The following TCF4 variants were observed in gnomAD, a reference collection of about 807,000 sequenced individuals.
TCF4 encodes the protein transcription factor 4.
A neutral mutation model predicts 82.1 loss-of-function variants in TCF4; 3 were observed. The observed-to-expected ratio is 0.04, with a 90% CI of 0.02 to 0.09. The LOEUF is 0.09. Among genes scored for constraint, TCF4 ranks in the 10% least tolerant of loss-of-function variants. The pLI is 1.00. For synonymous variants in TCF4, 276 were observed against 309.6 expected (o/e 0.89, Z 1.14); for missense variants, 518 against 852.7 (o/e 0.61, Z 4.89).
chr18:55,296,398 A>G (rs1464885277), intron 8 of TCF4, among the ~76,000 whole-genome samples: 2 of 152,186 alleles, frequency 1.3e-5, no homozygotes, highest in Non-Finnish European at 2.9e-5. Context: ...CTTGAGTGCA[A>G]TGTGGGAAAG....
At chr18:55,518,901 A>T (rs2096908674) in intron 3 of TCF4, 2 of 152,164 alleles carry the variant, frequency 1.3e-5, no homozygotes, top group Non-Finnish European at 2.9e-5. Flanking sequence ...CTTGAAAAGT[A>T]AGATTTAGTT....
intron 17 of TCF4, 130 bp downstream of exon 17, chr18:55,232,379 G>C: frequency 1.1e-6 from 1 of 948,710 alleles, no homozygotes; most frequent in East Asian, 2.6e-5. Flanking sequence ...TTCTAGAGTA[G>C]GCCTTTAATT....
intron 8 of TCF4, among the ~76,000 whole-genome samples, chr18:55,294,760 T>C (rs1053420594): frequency 6.6e-6 from 1 of 152,202 alleles, no homozygotes; most frequent in African/African-American, 2.4e-5. Flanking sequence ...TACACCTCAG[T>C]TTCTGCATCC....
In TCF4 at chr18:55,269,957, G is replaced by A; in HGVS notation, c.796C>T (p.Pro266Ser). The A allele has an allele frequency of 6.2e-7, 1 of 1,613,182 alleles. No homozygotes were observed. Among genetic ancestry groups the A allele is most frequent in the Non-Finnish European group, 8.5e-7 (1 of 1,179,362 alleles). ...SLHPHERLSY[P>S]SHSSADINSS... ...TTGATGTCTGCTGAGGAGTGTGATG[G>A]ATAGCTCTATAGCAAGAAGCAGAAA... Residue 266 changes from proline (P) to serine (S), a missense_variant, in exon 11 of 20, where the codon CCA (proline) becomes TCA (serine). By Grantham distance (74) the Pro-to-Ser change is moderately conservative (BLOSUM62 -1). Around this residue, in one of 7 missense-constraint regions of TCF4, gnomAD observed 211 missense variants for 327.4 expected, o/e 0.64. Transcript: ENST00000354452.
At chr18:55,528,125 TAGA>T (rs2097013205) in intron 3 of TCF4, among the ~76,000 whole-genome samples, 1 of 152,222 alleles carries the variant, frequency 6.6e-6, no homozygotes, top group Admixed American at 6.5e-5. Flanking sequence ...AAATCTGTCA[TAGA>T]AGACTGCTAT....
intron 6 of TCF4, among the ~76,000 whole-genome samples, chr18:55,376,322 G>A (rs114022164): frequency 0.012 from 1,770 of 151,970 alleles, 38 homozygotes; most frequent in African/African-American, 0.04. Flanking sequence ...CACCGTGCCC[G>A]GACAATAATA....
At chr18:55,434,534 C>T (rs2095282328) in intron 5 of TCF4, among the ~76,000 whole-genome samples, 1 of 151,126 alleles carries the variant, frequency 6.6e-6, no homozygotes, top group Non-Finnish European at 1.5e-5. Context: ...ATTCTCCTGC[C>T]TCAGCCTCCC....
chr18:55,364,198 A>T (rs567871616), intron 6 of TCF4, among the ~76,000 whole-genome samples: 2 of 152,308 alleles, frequency 1.3e-5, no homozygotes, highest in Non-Finnish European at 2.9e-5. Context: ...CAAGTTAAAA[A>T]TTTTAACTCT....
Position 55,326,394 on chromosome 18 carries a change from G to C in TCF4, c.549+23965C>G, listed in dbSNP as rs77563935. 1.5e-4 allele frequency among the ~76,000 whole-genome samples: 13 copies of C among 88,748 alleles called. No homozygotes were observed. In the East Asian group the frequency reaches 3.1e-3, roughly 21 times the overall value. 58.2% of individuals were successfully genotyped at this position (88,748 alleles called of 152,430 possible). Reference sequence around the variant, plus strand: ...CCTCTATGCAAGAGTGCCTTAAAGAGCAGCAGCAAAAAAAAAAAAAAAAAA... The same window carrying C: ...CCTCTATGCAAGAGTGCCTTAAAGACCAGCAGCAAAAAAAAAAAAAAAAAA... On this transcript the variant is annotated intron_variant, in intron 8 of 19. Coordinates refer to ENST00000354452, the MANE Select transcript of TCF4 (RefSeq NM_001083962.2).
At chr18:55,335,502 C>T (rs2078439251) in intron 8 of TCF4, among the ~76,000 whole-genome samples, 1 of 152,192 alleles carries the variant, frequency 6.6e-6, no homozygotes, top group Non-Finnish European at 1.5e-5. Flanking sequence ...TGCCTTTTTA[C>T]TAGGCATATA....
chr18:55,351,671 A>T, intron 6 of TCF4: 1 of 232,860 alleles, frequency 4.3e-6, no homozygotes, highest in Non-Finnish European at 7.1e-6. Context: ...TTAAACATTT[A>T]CCTGAACACT....
At chr18:55,420,924 A>G (rs182628382) in intron 5 of TCF4, among the ~76,000 whole-genome samples, 1 of 151,738 alleles carries the variant, frequency 6.6e-6, no homozygotes, top group East Asian at 1.9e-4. Flanking sequence ...AAGAAACATT[A>G]TCTTGAGCAG....
chr18:55,305,090 A>C (rs1293963095), intron 8 of TCF4, among the ~76,000 whole-genome samples: 1 of 152,146 alleles, frequency 6.6e-6, no homozygotes, highest in African/African-American at 2.4e-5. Context: ...TATCTGCTAA[A>C]GCTACTCTTA....
intron 8 of TCF4, among the ~76,000 whole-genome samples, chr18:55,307,963 C>A (rs1052088844): frequency 2.0e-5 from 3 of 152,198 alleles, no homozygotes; most frequent in Non-Finnish European, 4.4e-5. Context: ...TAGGGCTAGC[C>A]CATTCATCTG....
intron 15 of TCF4, among the ~76,000 whole-genome samples, chr18:55,242,588 G>A (rs41515848): frequency 0.08 from 12,186 of 151,654 alleles, 608 homozygotes; most frequent in African/African-American, 0.12. Context: ...AAATAAACAC[G>A]TCTATGACTT....
rs1489208150 is a variant in TCF4 at position 55,586,285 on chromosome 18, C to CT, written c.72+759dup. The CT allele has an allele frequency of 3.4e-6, 3 of 890,366 alleles. 1 individual carries two copies. The highest frequency in any genetic ancestry group is 5.2e-6 in the Non-Finnish European group (3 of 575,002). The allele number at this position is 890,366 out of a possible 1,614,324, so 55.2% of individuals were successfully genotyped here. ...ATTTTATTTGTGTGTTTTGTGGATT[C>CT]TTTTTATTTTGCTTTACAAATGCAT... On this transcript the variant is annotated intron_variant, in intron 2 of 19. Coordinates refer to ENST00000354452, the MANE Select transcript of TCF4 (RefSeq NM_001083962.2).
At chr18:55,264,253 A>G (rs2058646393) in intron 11 of TCF4, among the ~76,000 whole-genome samples, 1 of 152,224 alleles carries the variant, frequency 6.6e-6, no homozygotes. Context: ...TCATCGCGTC[A>G]TGAAAATATT....
intron 3 of TCF4, among the ~76,000 whole-genome samples, chr18:55,578,099 G>C (rs1198165091): frequency 1.3e-5 from 2 of 152,064 alleles, no homozygotes; most frequent in Non-Finnish European, 2.9e-5. Flanking sequence ...TTAATCATGG[G>C]TCTTACTTTG....
At chr18:55,440,306 C>G (rs1280911158) in intron 5 of TCF4, among the ~76,000 whole-genome samples, 16 of 152,060 alleles carry the variant, frequency 1.1e-4, no homozygotes, top group Non-Finnish European at 2.4e-4. Context: ...CTTCTTTGTT[C>G]TCACTTCTTG....
Sources: allele counts gnomAD v4.1 joint callset (sites outside exome capture counted in the v4.1 genomes callset), GRCh38; gene constraint gnomAD v4.1.1; regional missense constraint gnomAD v4.1.1; transcripts MANE v1.5; gene names NCBI Gene and HGNC (gene_info 2026-07-23, HGNC 2026-07-21).